TEX14: variants seen among roughly 807,000 people sequenced by gnomAD.
TEX14 encodes testis expressed 14, intercellular bridge forming factor.
In TEX14, 168 loss-of-function variants were observed where a neutral mutation model predicts 178.6. The observed-to-expected ratio is 0.94, with a 90% CI of 0.83 to 1.07. The LOEUF is 1.07. Among genes scored for constraint, TEX14 ranks in the 50% least tolerant of loss-of-function variants. The pLI is 0.00. For synonymous variants in TEX14, 626 were observed against 634.1 expected (o/e 0.99, Z 0.19); for missense variants, 1,730 against 1,753.6 (o/e 0.99, Z 0.24).
At chr17:58,571,240 T>TC (rs1376436020) in intron 24 of TEX14, among the ~76,000 whole-genome samples, 58 of 148,592 alleles carry the variant, frequency 3.9e-4, no homozygotes, top group African/African-American at 1.4e-3. Flanking sequence ...CTTTTCTTTT[T>TC]TTTTTTTTTT....
At chr17:58,687,796 AG>A (rs1567777886) in intron 1 of TEX14, among the ~76,000 whole-genome samples, 2 of 152,204 alleles carry the variant, frequency 1.3e-5, no homozygotes, top group Admixed American at 6.5e-5. Context: ...GGTTAACTAT[AG>A]ACATTAACAG....
chr17:58,652,087 G>A, intron 1 of TEX14, 85 bp from the exon 2 acceptor site: 1 of 1,069,018 alleles, frequency 9.4e-7, no homozygotes, highest in Non-Finnish European at 1.3e-6. Flanking sequence ...TTAGAAACCT[G>A]TCCAGCCACC....
chr17:58,679,451 CAGG>C (rs1364106780), intron 1 of TEX14: 1 of 152,064 alleles, frequency 6.6e-6, no homozygotes. Flanking sequence ...TATTCCAAAA[CAGG>C]AGGTTACAAT....
chr17:58,587,717 A>G (rs1279924448), intron 16 of TEX14, 51 bp from the exon 17 acceptor site: 1 of 1,360,358 alleles, frequency 7.4e-7, no homozygotes, highest in Admixed American at 1.9e-5. Context: ...GGACACAAAC[A>G]CATCAGTTTG....
intron 10 of TEX14, among the ~76,000 whole-genome samples, chr17:58,608,671 A>C (rs2045673470): frequency 6.6e-6 from 1 of 152,268 alleles, no homozygotes; most frequent in Admixed American, 6.5e-5. Context: ...ACACTTGTAT[A>C]AAAATGACTG....
chr17:58,629,867 GACCAACTATTAA>G (rs1467464987), intron 3 of TEX14, among the ~76,000 whole-genome samples: 3 of 146,990 alleles, frequency 2.0e-5, no homozygotes, highest in African/African-American at 7.5e-5. Flanking sequence ...ATAAAATTTA[GACCAACTATTAA>G]ACTCCGATTC....
intron 2 of TEX14, among the ~76,000 whole-genome samples, chr17:58,650,174 C>T (rs1384544298): frequency 6.6e-6 from 1 of 152,062 alleles, no homozygotes; most frequent in African/African-American, 2.4e-5. Context: ...TCTCCTGCCT[C>T]AGCCTCCCAA....
Position 58,585,913 on chromosome 17 carries a change from C to A in TEX14, c.2958G>T (p.Glu986Asp). 1.9e-6 allele frequency: 3 copies of A among 1,614,000 alleles called. No individual in the cohort carries two copies. Among genetic ancestry groups the A allele is most frequent in the Non-Finnish European group, 2.5e-6 (3 of 1,179,984 alleles). ...PENTDWQRVI[E>D]YHRENDEPRG... ...TGGGCTCATCATTTTCCCTATGATA[C>A]TCAATAACTCGCTGCCAATCCGTGT... Residue 986 changes from glutamate to aspartate, a missense_variant, in exon 18 of 32, where the codon GAG (glutamate) becomes GAT (aspartate). Coordinates refer to ENST00000349033, the MANE Select transcript of TEX14 (RefSeq NM_031272.5).
chr17:58,599,885 G>T (rs2045387910), intron 13 of TEX14, among the ~76,000 whole-genome samples: 1 of 152,212 alleles, frequency 6.6e-6, no homozygotes, highest in Admixed American at 6.5e-5. Flanking sequence ...ATGGAATGAG[G>T]CAGAAATTGT....
Position 58,601,855 on chromosome 17 carries a change from T to G in TEX14, c.1629A>C (p.Glu543Asp), listed in dbSNP as rs757712111. Residue 543 changes from glutamate to aspartate, a missense_variant, in exon 13 of 32, where the codon GAA (glutamate) becomes GAC (aspartate). Glu to Asp is a conservative substitution (Grantham distance 45). Around this residue, in one of 2 missense-constraint regions of TEX14, gnomAD observed 789 missense variants for 681.2 expected, o/e 1.16. Transcript: ENST00000349033. Reference sequence around the variant, plus strand: ...CCATGTCAGGTGTCTCTCTGGGGTGTTCTGAAGTCAGTCCTAGATAGACAT... The same window carrying G: ...CCATGTCAGGTGTCTCTCTGGGGTGGTCTGAAGTCAGTCCTAGATAGACAT... Reference protein sequence around the residue: ...DVNVYLGLTSEHPRETPDMEI... With the variant: ...DVNVYLGLTSDHPRETPDMEI... The G allele has an allele frequency of 6.2e-7, 1 of 1,613,442 alleles. No individual in the cohort carries two copies. Among genetic ancestry groups the G allele is most frequent in the Non-Finnish European group, 8.5e-7 (1 of 1,179,974 alleles).
intron 23 of TEX14, 94 bp from the exon 24 acceptor site, chr17:58,572,220 T>C: frequency 1.3e-6 from 1 of 768,812 alleles, no homozygotes; most frequent in Non-Finnish European, 2.1e-6. Context: ...TCTGCCCCAA[T>C]ATGATGTGCA....
chr17:58,581,286 G>A (rs2044810047), intron 19 of TEX14, among the ~76,000 whole-genome samples: 1 of 151,730 alleles, frequency 6.6e-6, no homozygotes, highest in African/African-American at 2.4e-5. Context: ...ACTCCAGCCT[G>A]GGTGACAGAG....
At chr17:58,604,879 A>T in intron 11 of TEX14, 99 bp downstream of exon 11, 2 of 1,346,642 alleles carry the variant, frequency 1.5e-6, no homozygotes, top group Non-Finnish European at 2.1e-6. Flanking sequence ...TCTTTTTAAT[A>T]AGTCTTCTAT....
intron 31 of TEX14, 56 bp from the exon 32 acceptor site, chr17:58,557,103 T>G: frequency 7.1e-7 from 1 of 1,406,308 alleles, no homozygotes; most frequent in Non-Finnish European, 1.0e-6. Context: ...GTATGTGTGT[T>G]TTTTAAAGAC....
At position 58,629,142 on chromosome 17, in the gene TEX14, T is replaced by A. The variant is rs570366635; in HGVS notation, c.251+1298A>T. ...AATAAGCTAATATTTGAGAAGGCCCTAGCAAAAGCCGAAGTGCTTCACAAA... is the reference window on the plus strand; with the variant it reads ...AATAAGCTAATATTTGAGAAGGCCCAAGCAAAAGCCGAAGTGCTTCACAAA... On this transcript the variant is annotated intron_variant, in intron 3 of 31. Coordinates refer to ENST00000349033, the MANE Select transcript of TEX14 (RefSeq NM_031272.5). Among the ~76,000 whole-genome samples the A allele has an allele frequency of 7.9e-5, 12 of 152,216 alleles. No homozygotes were observed. In the South Asian group the frequency reaches 2.1e-3, roughly 26 times the overall value.
At chr17:58,682,576 G>A (rs2047518645) in intron 1 of TEX14, among the ~76,000 whole-genome samples, 1 of 151,908 alleles carries the variant, frequency 6.6e-6, no homozygotes, top group South Asian at 2.1e-4. Flanking sequence ...AGATTTCAAA[G>A]TGTGTTTTAT....
chr17:58,577,489 A>T (rs7215900), intron 20 of TEX14, 33 bp from the exon 21 acceptor site: 154,349 of 750,348 alleles, frequency 0.21, 14,916 homozygotes, highest in East Asian at 0.22. Context: ...ATATATATAT[A>T]TTTTTTTTTA....
intron 2 of TEX14, among the ~76,000 whole-genome samples, chr17:58,637,244 C>A (rs543600446): frequency 2.0e-5 from 3 of 151,948 alleles, no homozygotes; most frequent in South Asian, 2.1e-4. Flanking sequence ...AAAAAAACAA[C>A]AAAAAAACAA....
intron 14 of TEX14, among the ~76,000 whole-genome samples, chr17:58,594,791 A>C (rs2045240751): frequency 6.6e-6 from 1 of 152,174 alleles, no homozygotes; most frequent in Non-Finnish European, 1.5e-5. Flanking sequence ...GAAACAGCAA[A>C]AGTAAAACAA....
Sources: gnomAD v4.1 joint callset for allele counts (sites outside exome capture counted in the v4.1 genomes callset) on GRCh38, gnomAD v4.1.1 for gene constraint, gnomAD v4.1.1 regional missense constraint, MANE v1.5 for transcripts, NCBI Gene and HGNC (gene_info 2026-07-23, HGNC 2026-07-21) for gene names.